Variants in DNAH17 observed in about 807,000 individuals in gnomAD.
DNAH17 encodes the protein dynein axonemal heavy chain 17.
Under a neutral mutation model 485.6 loss-of-function variants are expected in DNAH17, and 376 were observed. The ratio of observed to expected loss-of-function variants is 0.77; its 90% CI spans 0.71 to 0.84. The LOEUF is 0.84. DNAH17 is among the 40% of genes least tolerant of loss of function. DNAH17 has a pLI of 0.00. For missense variants in DNAH17, 6,370 were observed against 5,839.3 expected, an observed-to-expected ratio of 1.09 and a Z score of -2.96; for synonymous variants, 3,031 against 2,405.9, an observed-to-expected ratio of 1.26 and a Z score of -7.60.
chr17:78,463,850 C>A (rs1421322335), intron 56 of DNAH17, among the ~76,000 whole-genome samples: 2 of 151,908 alleles, frequency 1.3e-5, no homozygotes, highest in East Asian at 3.9e-4. Flanking sequence ...ATGAATTCAT[C>A]CAACACAGAC....
intron 38 of DNAH17, 139 bp from the exon 39 acceptor site, chr17:78,495,236 G>T: frequency 8.6e-7 from 1 of 1,162,746 alleles, no homozygotes; most frequent in Non-Finnish European, 1.2e-6. Flanking sequence ...CGGTCCTGGA[G>T]CCGGGCTCCC....
chr17:78,514,607 G>A (rs1158981779), intron 26 of DNAH17, among the ~76,000 whole-genome samples, 167 bp downstream of exon 26: 1 of 152,112 alleles, frequency 6.6e-6, no homozygotes, highest in Non-Finnish European at 1.5e-5. Flanking sequence ...CCAGCGTGGA[G>A]CCCAGTGTGA....
intron 80 of DNAH17, chr17:78,424,406 G>T: frequency 2.2e-6 from 1 of 445,524 alleles, no homozygotes; most frequent in African/African-American, 1.9e-5. Flanking sequence ...TTAAATCTGT[G>T]GCATTTTCAG....
At chr17:78,443,851 T>A (rs1207602170) in intron 71 of DNAH17, among the ~76,000 whole-genome samples, 2 of 152,276 alleles carry the variant, frequency 1.3e-5, no homozygotes, top group African/African-American at 4.8e-5. Flanking sequence ...AGAGGGTAAT[T>A]CTATTAGGGA....
chr17:78,473,436 C>T (rs1429227390), intron 54 of DNAH17, among the ~76,000 whole-genome samples: 1 of 150,044 alleles, frequency 6.7e-6, no homozygotes, highest in Non-Finnish European at 1.5e-5. Flanking sequence ...CCCAGCTACT[C>T]AGGAGGCTGA....
intron 75 of DNAH17, among the ~76,000 whole-genome samples, 192 bp from the exon 76 acceptor site, chr17:78,429,492 G>C (rs974051147): frequency 6.6e-6 from 1 of 152,128 alleles, no homozygotes; most frequent in African/African-American, 2.4e-5. Context: ...TTTCCATTCC[G>C]CGCCACCAGA....
Position 78,529,529 on chromosome 17 carries a change from G to C in DNAH17, c.3450C>G (p.Ile1150Met). 1.9e-6 allele frequency: 3 copies of C among 1,613,914 alleles called. No homozygotes were observed. The highest frequency in any genetic ancestry group is 2.5e-6 in the Non-Finnish European group (3 of 1,179,866). Residue 1150 changes from isoleucine to methionine, a missense_variant, in exon 22 of 81, where the codon ATC (isoleucine) becomes ATG (methionine). Ile to Met is a conservative substitution (Grantham distance 10). Coordinates refer to ENST00000389840, the MANE Select transcript of DNAH17 (RefSeq NM_173628.4). Reference protein sequence around the residue: ...DNMFEPLKQTIELLKTYGEEM... With the variant: ...DNMFEPLKQTMELLKTYGEEM... ...CCTCCCCGTAGGTCTTGAGCAGCTC[G>C]ATGGTTTGCTTCAGGGGCTCAAACA...
chr17:78,492,310 C>G (rs921400731), intron 42 of DNAH17, among the ~76,000 whole-genome samples: 1 of 147,590 alleles, frequency 6.8e-6, no homozygotes, highest in Non-Finnish European at 1.5e-5. Context: ...AGCCTCCAGC[C>G]TGCATGTCTG....
chr17:78,462,813 C>T (rs762456473), intron 57 of DNAH17, 31 bp downstream of exon 57: 4 of 1,609,940 alleles, frequency 2.5e-6, no homozygotes, highest in Non-Finnish European at 3.4e-6. Context: ...GGGAACGGCA[C>T]AGGAGCTGGC....
chr17:78,535,639 A>T (rs1298777462), intron 19 of DNAH17, among the ~76,000 whole-genome samples: 1 of 152,172 alleles, frequency 6.6e-6, no homozygotes, highest in Non-Finnish European at 1.5e-5. Context: ...TACAATTCAA[A>T]CAACGCAGAA....
intron 36 of DNAH17, chr17:78,500,070 G>T (rs547474759): frequency 8.1e-6 from 4 of 491,796 alleles, no homozygotes; most frequent in African/African-American, 2.0e-5. Flanking sequence ...CACCTCCAGG[G>T]CAGGGGCTGG....
chr17:78,537,237 C>A lies in DNAH17; in HGVS notation c.2859+62G>T, dbSNP rs1410246871. On this transcript the variant is annotated intron_variant, in intron 19 of 80. Coordinates refer to ENST00000389840, the MANE Select transcript of DNAH17 (RefSeq NM_173628.4). ...GCGAAGCCTTGCCGAGTTAGGGCGG[C>A]AACACCAAATGGGGAAAGCAATGGA... 68 of 1,499,432 alleles carry A rather than the reference C, an allele frequency of 4.5e-5. 1 individual carries two copies. The Admixed American group carries it at 1.4e-3, about 32-fold the overall frequency. The allele number at this position is 1,499,432 out of a possible 1,614,324, so 92.9% of individuals were successfully genotyped here.
chr17:78,530,693 G>T (rs780376195), intron 20 of DNAH17, among the ~76,000 whole-genome samples, 181 bp from the exon 21 acceptor site: 3 of 152,136 alleles, frequency 2.0e-5, no homozygotes, highest in Non-Finnish European at 4.4e-5. Context: ...CCAAGTTATT[G>T]TTCCTTCCAG....
At chr17:78,545,043 C>T (rs1376671040) in intron 16 of DNAH17, among the ~76,000 whole-genome samples, 6 of 151,942 alleles carry the variant, frequency 3.9e-5, no homozygotes, top group African/African-American at 7.2e-5. Flanking sequence ...CTCCTCCTCA[C>T]GGCTGCCTCT....
chr17:78,477,441 C>T (rs952823467), intron 51 of DNAH17, among the ~76,000 whole-genome samples: 14 of 151,994 alleles, frequency 9.2e-5, no homozygotes, highest in South Asian at 2.1e-4. Flanking sequence ...TGCAGTGGCA[C>T]GATCTCAGCT....
Position 78,475,539 on chromosome 17 carries a change from C to G in DNAH17, c.8320-70G>C, listed in dbSNP as rs1407133364. The G allele has an allele frequency of 1.5e-5, 24 of 1,604,692 alleles. 1 individual carries two copies. Among genetic ancestry groups the G allele is most frequent in the South Asian group, 1.2e-4 (11 of 90,596 alleles). On this transcript the variant is annotated intron_variant, in intron 53 of 80. Coordinates refer to ENST00000389840, the MANE Select transcript of DNAH17 (RefSeq NM_173628.4). ...ATCACCTCTGTCACCAGCACGGACTCTGCACATGCTGAGGTGTGCACTGTG... is the reference window on the plus strand; with the variant it reads ...ATCACCTCTGTCACCAGCACGGACTGTGCACATGCTGAGGTGTGCACTGTG...
chr17:78,567,138 A>G lies in DNAH17; in HGVS notation c.1313T>C (p.Leu438Pro). ...EELYKTAIEF[L>P]KLEKIELGGV... ...CCCAAGCTCGATTTTCTCCAGCTTCAGAAACTCAATTGCTGTTTTATAGAG... is the reference window on the plus strand; with the variant it reads ...CCCAAGCTCGATTTTCTCCAGCTTCGGAAACTCAATTGCTGTTTTATAGAG... Residue 438 changes from leucine to proline, a missense_variant, in exon 10 of 81, where the codon CTG becomes CCG. Leu to Pro is a moderately conservative substitution (Grantham distance 98). Transcript: ENST00000389840. 2 of 1,608,084 alleles carry G rather than the reference A, an allele frequency of 1.2e-6. No individual in the cohort carries two copies. The highest frequency in any genetic ancestry group is 1.7e-6 in the Non-Finnish European group (2 of 1,177,254).
In DNAH17 at chr17:78,494,160, C is replaced by T. The variant is rs773021528; in HGVS notation, c.6284G>A (p.Ser2095Asn). Residue 2095 changes from serine to asparagine, a missense_variant, in exon 41 of 81, where the codon AGC (serine) becomes AAC (asparagine). By Grantham distance (46) the Ser-to-Asn change is conservative. Transcript: ENST00000389840. Reference sequence around the variant, plus strand: ...CGCCTGCAGCTTGAGCTCCACGATGCTCTGCTTGATGATCTGGGGAGACAT... The same window carrying T: ...CGCCTGCAGCTTGAGCTCCACGATGTTCTGCTTGATGATCTGGGGAGACAT... ...DLNFEKIIKQ[S>N]IVELKLQAED... is the part of the protein sequence containing the mutation. 2.5e-6 allele frequency: 4 copies of T among 1,612,082 alleles called. No individual in the cohort carries two copies. Among genetic ancestry groups the T allele is most frequent in the Non-Finnish European group, 3.4e-6 (4 of 1,179,558 alleles).
At chr17:78,553,281 GTGTTTTTTTTTTTT>G (rs2091944463) in intron 14 of DNAH17, among the ~76,000 whole-genome samples, 1 of 42,102 alleles carries the variant, frequency 2.4e-5, no homozygotes, top group East Asian at 1.2e-3. Flanking sequence ...CCAGGTTTTT[GTGTTTTTTTTTTTT>G]TTTTTTTTTT....
Sources: allele counts gnomAD v4.1 joint callset (sites outside exome capture counted in the v4.1 genomes callset), GRCh38; gene constraint gnomAD v4.1.1; transcripts MANE v1.5; gene names NCBI Gene and HGNC (gene_info 2026-07-23, HGNC 2026-07-21).